The following FAM114A1 variants were observed in gnomAD, a reference collection of about 807,000 sequenced individuals.
The protein encoded by FAM114A1 is protein NOXP20.
FAM114A1 carries 62 observed loss-of-function variants against 64.3 expected under a neutral mutation model. The observed-to-expected ratio is 0.96, with a 90% CI of 0.79 to 1.19. The LOEUF is 1.19. FAM114A1 is among the 50% of genes most tolerant of loss of function. The probability of loss-of-function intolerance (pLI) is 0.00; values close to 1 mark genes in which losing one functional copy is unlikely to be tolerated. For missense variants in FAM114A1, 645 were observed against 676.3 expected (o/e 0.95, Z 0.51); for synonymous variants, 254 against 251.1 (o/e 1.01, Z -0.11).
chr4:38,927,431 G>A (rs1284936477), intron 9 of FAM114A1, among the ~76,000 whole-genome samples: 2 of 152,010 alleles, frequency 1.3e-5, no homozygotes, highest in Non-Finnish European at 2.9e-5. Flanking sequence ...AGCTCCCTGG[G>A]GCCTCTTTTT....
chr4:38,874,612 A>G (rs6827942), intron 2 of FAM114A1, among the ~76,000 whole-genome samples: 41,754 of 151,992 alleles, frequency 0.27, 6,106 homozygotes, highest in African/African-American at 0.31. Context: ...CCATTATGTA[A>G]GTTGTCTATT....
intron 4 of FAM114A1, among the ~76,000 whole-genome samples, chr4:38,898,115 G>A (rs1717125488): frequency 6.6e-6 from 1 of 152,098 alleles, no homozygotes; most frequent in African/African-American, 2.4e-5. Flanking sequence ...GTATACAAAA[G>A]GAAGAGCTCT....
chr4:38,898,058 T>C (rs2109637177), intron 4 of FAM114A1, among the ~76,000 whole-genome samples: 1 of 152,276 alleles, frequency 6.6e-6, no homozygotes, highest in African/African-American at 2.4e-5. Flanking sequence ...CTAAGAGTGA[T>C]AGACCAGTAG....
intron 4 of FAM114A1, among the ~76,000 whole-genome samples, chr4:38,898,672 G>C (rs1298858832): frequency 6.6e-6 from 1 of 152,002 alleles, no homozygotes; most frequent in Non-Finnish European, 1.5e-5. Context: ...TGTCTATTTT[G>C]AGCCTAAAGG....
rs1439237426 is a variant in FAM114A1 at position 38,914,276 on chromosome 4, G to T, written c.793-645G>T. On this transcript the variant is annotated intron_variant, in intron 7 of 14. Transcript: ENST00000358869. Reference sequence around the variant, plus strand: ...AAAATTTGGGGACTTTAGAAAATAAGAAATTTGGCCGGGTGCAGTGGCTCA... The same window carrying T: ...AAAATTTGGGGACTTTAGAAAATAATAAATTTGGCCGGGTGCAGTGGCTCA... Among the ~76,000 whole-genome samples, 3 of 149,358 alleles carry T rather than the reference G, an allele frequency of 2.0e-5. No homozygotes were observed. The East Asian group carries it at 6.1e-4, about 30-fold the overall frequency.
At chr4:38,936,181 C>G (rs1284090951) in intron 13 of FAM114A1, among the ~76,000 whole-genome samples, 2 of 151,772 alleles carry the variant, frequency 1.3e-5, no homozygotes, top group Admixed American at 6.6e-5. Flanking sequence ...CAAGCTCTGC[C>G]TCCCAGGCTC....
In FAM114A1 at chr4:38,922,866, G is replaced by A. The variant is rs762034978; in HGVS notation, c.1042G>A (p.Glu348Lys). Reference protein sequence around the residue: ...IKDIFAAKELENEENQEEQGL... With the variant: ...IKDIFAAKELKNEENQEEQGL... ...AGACATCTTTGCAGCCAAAGAATTA[G>A]AGAATGAAGAAAATCAAGAAGAACA... is the stretch of plus-strand genomic sequence containing the variant. The change falls in exon 9 of 15, where the codon GAG becomes AAG. Residue 348 changes from glutamate to lysine, a missense_variant. Physicochemically the swap from Glu to Lys is moderately conservative, Grantham distance 56 (BLOSUM62 1). Coordinates refer to ENST00000358869, the MANE Select transcript of FAM114A1 (RefSeq NM_138389.4). 6.2e-7 allele frequency: 1 copy of A among 1,612,222 alleles called. No individual in the cohort carries two copies. Among genetic ancestry groups the A allele is most frequent in the Admixed American group, 1.7e-5 (1 of 59,596 alleles).
chr4:38,931,513 A>G lies in FAM114A1; in HGVS notation c.1224A>G (p.Ala408=). The part of the protein sequence containing the change: ...EDQTVVSVDV[A]KVSEEETKKE... The stretch of plus-strand genomic sequence containing the variant: ...AAACCGTGGTGTCAGTAGATGTGGC[A>G]AAAGTGTCCGAAGAAGAAACAAAGA... The change falls in exon 11 of 15, where the codon GCA becomes GCG. Residue 408 remains alanine (A), a synonymous_variant. Coordinates refer to ENST00000358869, the MANE Select transcript of FAM114A1 (RefSeq NM_138389.4). The G allele has an allele frequency of 6.2e-7, 1 of 1,614,122 alleles. No individual in the cohort carries two copies.
intron 14 of FAM114A1, 52 bp downstream of exon 14, chr4:38,941,073 C>A: frequency 1.4e-6 from 2 of 1,394,384 alleles, no homozygotes; most frequent in Non-Finnish European, 1.9e-6. Flanking sequence ...AATGTTAGAA[C>A]TACTTTTTTT....
intron 8 of FAM114A1, among the ~76,000 whole-genome samples, chr4:38,917,758 C>T (rs187499632): frequency 2.0e-4 from 30 of 152,294 alleles, no homozygotes; most frequent in Non-Finnish European, 2.5e-4. Context: ...CCCCCAAGGA[C>T]TTAGTTTCTA....
In FAM114A1 at chr4:38,878,248, C is replaced by T. The variant is rs1714857079; in HGVS notation, c.170C>T (p.Ala57Val). The T allele has an allele frequency of 1.2e-6, 2 of 1,614,094 alleles. No individual in the cohort carries two copies. The highest frequency in any genetic ancestry group is 4.5e-5 in the East Asian group (2 of 44,896). Reference protein sequence around the residue: ...DPRGEGHENAAVQGAGAAAIG... With the variant: ...DPRGEGHENAVVQGAGAAAIG... Reference sequence around the variant, plus strand: ...AGAGGGGAGGGGCATGAAAATGCAGCTGTGCAGGGTGCAGGGGCTGCCGCC... The same window carrying T: ...AGAGGGGAGGGGCATGAAAATGCAGTTGTGCAGGGTGCAGGGGCTGCCGCC... The change falls in exon 3 of 15, where the codon GCT becomes GTT. Residue 57 changes from alanine (A) to valine (V), a missense_variant. Coordinates refer to ENST00000358869, the MANE Select transcript of FAM114A1 (RefSeq NM_138389.4).
intron 13 of FAM114A1, among the ~76,000 whole-genome samples, chr4:38,940,594 C>T: frequency 6.6e-6 from 1 of 152,084 alleles, no homozygotes; most frequent in East Asian, 1.9e-4. Context: ...ATCCACTCTG[C>T]CTACACAACT....
intron 8 of FAM114A1, 85 bp from the exon 9 acceptor site, chr4:38,922,685 C>A: frequency 6.7e-7 from 1 of 1,500,598 alleles, no homozygotes. Context: ...TCACTTTTGT[C>A]CTGGGAAAAC....
Position 38,931,533 on chromosome 4 carries a change from CAA to C in FAM114A1, c.1246_1247del (p.Lys416GlufsTer22), listed in dbSNP as rs755131069. 28 of 1,613,536 alleles carry C rather than the reference CAA, an allele frequency of 1.7e-5. No homozygotes were observed. In the South Asian group the frequency reaches 2.9e-4, roughly 16 times the overall value. ...GTGGCAAAAGTGTCCGAAGAAGAAA[CAA>C]AGAAGGAAGAAAAGGAAGAGAAATC... is the stretch of plus-strand genomic sequence containing the variant. On this transcript the variant is annotated frameshift_variant, in exon 11 of 15. Coordinates refer to ENST00000358869, the MANE Select transcript of FAM114A1 (RefSeq NM_138389.4). LOFTEE classifies it high-confidence loss of function.
chr4:38,929,215 G>A (rs752380827), intron 9 of FAM114A1, 27 bp from the exon 10 acceptor site: 34 of 1,542,024 alleles, frequency 2.2e-5, no homozygotes, highest in South Asian at 1.0e-4. Flanking sequence ...AATAAATCAC[G>A]CTTCTTCTGT....
In FAM114A1 at chr4:38,905,712, AT is replaced by A. The variant is rs765676345; in HGVS notation, c.551-42del. 69 of 1,609,328 alleles carry A rather than the reference AT, an allele frequency of 4.3e-5. No individual in the cohort carries two copies. The Admixed American group carries it at 1.1e-3, about 27-fold the overall frequency. ...ATAATCAGAGGTTTTCCAAGTTCAG[AT>A]CAGCGACGTGAACTCTTAAAGGATT... On this transcript the variant is annotated intron_variant, in intron 5 of 14. Transcript: ENST00000358869.
chr4:38,904,414 T>C (rs909272701), intron 4 of FAM114A1, among the ~76,000 whole-genome samples: 3 of 152,242 alleles, frequency 2.0e-5, no homozygotes, highest in Admixed American at 1.3e-4. Flanking sequence ...TTGGGGTTTT[T>C]CCCTGTGGGT....
At chr4:38,905,400 TA>T (rs74272797) in intron 4 of FAM114A1, 121 bp from the exon 5 acceptor site, 118,360 of 565,344 alleles carry the variant, frequency 0.21, 24 homozygotes, top group South Asian at 0.32. Flanking sequence ...CTCCATCTTT[TA>T]AAAAAAAAAA....
At chr4:38,918,634 C>T (rs185553295) in intron 8 of FAM114A1, among the ~76,000 whole-genome samples, 61 of 152,272 alleles carry the variant, frequency 4.0e-4, no homozygotes, top group Non-Finnish European at 7.2e-4. Flanking sequence ...TTTTATCTGG[C>T]AACCCTACAC....
Sources: gnomAD v4.1 joint callset for allele counts (sites outside exome capture counted in the v4.1 genomes callset) on GRCh38, gnomAD v4.1.1 for gene constraint, MANE v1.5 for transcripts, NCBI Gene and HGNC (gene_info 2026-07-23, HGNC 2026-07-21) for gene names.